Variants in GRAP2 observed in about 807,000 individuals in gnomAD.
The protein encoded by GRAP2 is GRB2 related adaptor protein 2.
Under a neutral mutation model 43.5 loss-of-function variants are expected in GRAP2, and 31 were observed. That is an observed-to-expected ratio of 0.71 (90% CI 0.54 to 0.96). The LOEUF (loss-of-function observed/expected upper bound fraction) is 0.96. GRAP2 is among the 40% of genes least tolerant of loss of function. The pLI is 0.00. For missense variants in GRAP2, 371 were observed against 424.4 expected (o/e 0.87, Z 1.11); for synonymous variants, 156 against 164.8 (o/e 0.95, Z 0.41).
Position 39,941,962 on chromosome 22 carries a change from T to TA in GRAP2, c.-14-5130dup, listed in dbSNP as rs2066875990. Reference sequence around the variant, plus strand: ...CCACAGTGTGCAGAGCTGGAGGGGATAGGCAGGTGTGCTCTGTTTTAAGAC... The same window carrying TA: ...CCACAGTGTGCAGAGCTGGAGGGGATAAGGCAGGTGTGCTCTGTTTTAAGAC... On this transcript the variant is annotated intron_variant, in intron 1 of 7. Transcript: ENST00000344138. Among the ~76,000 whole-genome samples, 5 of 152,050 alleles carry TA rather than the reference T, an allele frequency of 3.3e-5. 1 individual carries two copies. In the South Asian group the frequency reaches 1.0e-3, roughly 31 times the overall value.
At chr22:39,952,901 T>C (rs1374105999) in intron 2 of GRAP2, among the ~76,000 whole-genome samples, 2 of 152,204 alleles carry the variant, frequency 1.3e-5, no homozygotes, top group Non-Finnish European at 2.9e-5. Context: ...TGTGAGGTGC[T>C]AGGTGGCTAT....
In GRAP2 at chr22:39,955,364, C is replaced by T. The variant is rs6001710; in HGVS notation, c.79-455C>T. On this transcript the variant is annotated intron_variant, in intron 2 of 7. Transcript: ENST00000344138. ...AGAGCAAGACTCTGTCTCAAAAAAA[C>T]GAAAAACAACAACAAAAAAAAGAGA... 8.8e-3 allele frequency among the ~76,000 whole-genome samples: 1,312 copies of T among 149,480 alleles called. 18 individuals carry two copies. Among genetic ancestry groups the T allele is most frequent in the African/African-American group, 0.03 (1,237 of 40,706 alleles).
intron 1 of GRAP2, among the ~76,000 whole-genome samples, chr22:39,924,847 A>G (rs1183418370): frequency 6.6e-6 from 1 of 152,254 alleles, no homozygotes; most frequent in African/African-American, 2.4e-5. Context: ...CTGGAGAAGT[A>G]AAACTCAAAC....
intron 1 of GRAP2, among the ~76,000 whole-genome samples, chr22:39,942,104 C>T (rs1018151928): frequency 3.3e-5 from 5 of 152,238 alleles, no homozygotes; most frequent in Admixed American, 2.6e-4. Flanking sequence ...ATAGAGTGAG[C>T]CTCCATAATA....
At position 39,960,105 on chromosome 22, in the gene GRAP2, G is replaced by A; in HGVS notation, c.221G>A (p.Gly74Asp). 6.2e-7 allele frequency: 1 copy of A among 1,612,610 alleles called. No homozygotes were observed. Among genetic ancestry groups the A allele is most frequent in the Non-Finnish European group, 8.5e-7 (1 of 1,178,632 alleles). The part of the protein sequence containing the change: ...SRHQAENLLM[G>D]KEVGFFIIRA... The stretch of plus-strand genomic sequence containing the variant: ...CACCAGGCAGAGAACTTACTCATGG[G>A]CAAGGAGGTTGGCTTCTTCATCATC... The change falls in exon 4 of 8, where the codon GGC becomes GAC. Residue 74 changes from glycine to aspartate, a missense_variant. Gly to Asp is a moderately conservative substitution (Grantham distance 94). Transcript: ENST00000344138.
chr22:39,913,262 G>A (rs2066580189), intron 1 of GRAP2, among the ~76,000 whole-genome samples: 1 of 151,920 alleles, frequency 6.6e-6, no homozygotes, highest in Non-Finnish European at 1.5e-5. Context: ...AGCCCCAGGA[G>A]GGGTGGAAGG....
intron 1 of GRAP2, among the ~76,000 whole-genome samples, chr22:39,915,336 G>A (rs1220936438): frequency 6.6e-6 from 1 of 152,062 alleles, no homozygotes; most frequent in Non-Finnish European, 1.5e-5. Context: ...CCCCACTTGT[G>A]GTTGAGCAGG....
At chr22:39,943,940 C>G (rs991042071) in intron 1 of GRAP2, among the ~76,000 whole-genome samples, 1 of 151,996 alleles carries the variant, frequency 6.6e-6, no homozygotes. Context: ...AGGATGGTCT[C>G]CATCTCTTGA....
rs137982 is a variant in GRAP2 at position 39,932,548 on chromosome 22, C to CAA, written c.-14-14523_-14-14522dup. 9.2e-3 allele frequency among the ~76,000 whole-genome samples: 398 copies of CAA among 43,322 alleles called. 9 individuals are homozygous for CAA. The highest frequency in any genetic ancestry group is 0.019 in the African/African-American group (253 of 13,314). 28.4% of individuals were successfully genotyped at this position (43,322 alleles called of 152,430 possible). ...CAACATAGGGAGACCCCTGTCTCTA[C>CAA]AAAAAAAAAAAAAAAAAAAAAAAGC... is the stretch of plus-strand genomic sequence containing the variant. On this transcript the variant is annotated intron_variant, in intron 1 of 7. Transcript: ENST00000344138.
rs534241581 is a variant in GRAP2, at chr22:39,949,838, A to G, written c.78+2654A>G. On this transcript the variant is annotated intron_variant, in intron 2 of 7. Coordinates refer to ENST00000344138, the MANE Select transcript of GRAP2 (RefSeq NM_004810.4). ...TTCTGACTGCTCAGATCATTGCCAC[A>G]GCTCCTTGACTGACCTCATTACCTC... 1.6e-3 allele frequency among the ~76,000 whole-genome samples: 240 copies of G among 152,294 alleles called. 9 individuals are homozygous for G. In the South Asian group the frequency reaches 0.048, roughly 31 times the overall value.
intron 1 of GRAP2, among the ~76,000 whole-genome samples, chr22:39,922,479 G>A (rs1313447124): frequency 6.6e-6 from 1 of 152,176 alleles, no homozygotes; most frequent in Non-Finnish European, 1.5e-5. Context: ...GTCAAGGAAG[G>A]GAGCAGAGTC....
At chr22:39,899,006 C>T (rs1407955824), upstream of GRAP2, among the ~76,000 whole-genome samples, 1 of 152,178 alleles carries the variant, frequency 6.6e-6, no homozygotes, top group Non-Finnish European at 1.5e-5. Flanking sequence ...CTGAGTATCT[C>T]ATGATAGTGA....
rs2267417 is a variant in GRAP2, at chr22:39,936,840, G to T, written c.-14-10253G>T. 1.3e-3 allele frequency among the ~76,000 whole-genome samples: 205 copies of T among 152,310 alleles called. 3 individuals are homozygous for T. In the East Asian group the frequency reaches 0.037, roughly 28 times the overall value. ...TGCTTGGTCTGAGGTCTGCCAGGTC[G>T]ATTGCAGTCTTTACCTCTTTGACCA... On this transcript the variant is annotated intron_variant, in intron 1 of 7. Coordinates refer to ENST00000344138, the MANE Select transcript of GRAP2 (RefSeq NM_004810.4).
chr22:39,959,336 CTTTTCCACAGTAAAGA>C (rs1421863388), intron 3 of GRAP2, among the ~76,000 whole-genome samples: 2 of 152,244 alleles, frequency 1.3e-5, no homozygotes, highest in Non-Finnish European at 2.9e-5. Flanking sequence ...CCTGTTTCTT[CTTTTCCACAGTAAAGA>C]TTATTTCCCA....
chr22:39,899,971 A>G (rs761891287), upstream of GRAP2, among the ~76,000 whole-genome samples: 16 of 151,930 alleles, frequency 1.1e-4, no homozygotes, highest in Non-Finnish European at 2.2e-4. Context: ...GGGCAAGAAG[A>G]GTGAAACTCC....
At chr22:39,895,473 A>G in the GRAP2 span, among the ~76,000 whole-genome samples, 4 of 152,166 alleles carry the variant, frequency 2.6e-5, no homozygotes, top group African/African-American at 9.7e-5. Flanking sequence ...CCTGGAAAAC[A>G]TTGTTCAGGG....
At position 39,912,741 on chromosome 22, in the gene GRAP2, A is replaced by G. The variant is rs1242306272; in HGVS notation, c.-15+11411A>G. ...AAATAGAGTCACGTGGCATGTCACT[A>G]TATGACCAGGCAAAGAACAAATAGA... On this transcript the variant is annotated intron_variant, in intron 1 of 7. Transcript: ENST00000344138. Among the ~76,000 whole-genome samples the G allele has an allele frequency of 2.6e-5, 4 of 152,210 alleles. No homozygotes were observed. In the South Asian group the frequency reaches 8.3e-4, roughly 31 times the overall value.
upstream of GRAP2, among the ~76,000 whole-genome samples, chr22:39,897,276 G>A (rs2066469528): frequency 6.6e-6 from 1 of 151,998 alleles, no homozygotes; most frequent in Non-Finnish European, 1.5e-5. Flanking sequence ...TAACTCCTGT[G>A]TTTGTCTCTT....
intron 1 of GRAP2, among the ~76,000 whole-genome samples, chr22:39,929,000 A>G (rs926475013): frequency 1.3e-5 from 2 of 152,226 alleles, no homozygotes; most frequent in Non-Finnish European, 2.9e-5. Context: ...TCATTTAGTT[A>G]CAGAGATAAA....
Sources: gnomAD v4.1 joint callset for allele counts (sites outside exome capture counted in the v4.1 genomes callset) on GRCh38, gnomAD v4.1.1 for gene constraint, MANE v1.5 for transcripts, NCBI Gene and HGNC (gene_info 2026-07-23, HGNC 2026-07-21) for gene names.